Variants in HOATZ observed in about 807,000 individuals in gnomAD.
HOATZ encodes the protein cilia- and flagella-associated protein HOATZ.
HOATZ carries 26 observed loss-of-function variants against 24.9 expected under a neutral mutation model. The ratio of observed to expected loss-of-function variants is 1.04; its 90% CI spans 0.76 to 1.45. HOATZ has a LOEUF of 1.45. Ranked by LOEUF, HOATZ falls within the 40% of genes most tolerant of loss-of-function variation. The pLI is 0.00. For synonymous variants in HOATZ, 83 were observed against 76.6 expected (o/e 1.08, Z -0.43); for missense variants, 226 against 201.5 (o/e 1.12, Z -0.74).
At chr11:111,530,712 G>T (rs7107084) in intron 3 of HOATZ, among the ~76,000 whole-genome samples, 1 of 152,032 alleles carries the variant, frequency 6.6e-6, no homozygotes, top group Non-Finnish European at 1.5e-5. Context: ...ACTATAATTA[G>T]AAATGAAAAT....
chr11:111,519,698 A>T (rs1463208662), intron 3 of HOATZ, among the ~76,000 whole-genome samples: 2 of 152,212 alleles, frequency 1.3e-5, no homozygotes, highest in African/African-American at 2.4e-5. Flanking sequence ...ATTTACAATG[A>T]TCTATTTAAG....
At chr11:111,531,696 A>G (rs1246002140) in intron 3 of HOATZ, among the ~76,000 whole-genome samples, 5 of 152,214 alleles carry the variant, frequency 3.3e-5, no homozygotes, top group Admixed American at 1.3e-4. Context: ...GCTCAAGTAA[A>G]ACGTAGAAAT....
chr11:111,518,952 G>T (rs1376094929), intron 3 of HOATZ: 3 of 451,862 alleles, frequency 6.6e-6, no homozygotes, highest in Non-Finnish European at 1.3e-5. Context: ...CATAGTATTT[G>T]TACAGTCTCT....
chr11:111,515,992 A>G, intron 2 of HOATZ, 48 bp from the exon 3 acceptor site: 2 of 1,249,490 alleles, frequency 1.6e-6, no homozygotes, highest in Non-Finnish European at 2.3e-6. Flanking sequence ...TTTAGTATAA[A>G]ATCATAATAA....
rs1250412136 is a variant in HOATZ at position 111,516,042 on chromosome 11, A to T, written c.271A>T (p.Asn91Tyr). ...GAATTTGACTTTATTCCCTCTAGAA[A>T]ATAGAGACATCTTTGCCGAAGCCCT... ...SQSFHLASNK[N>Y]RDIFAEALKI... Residue 91 changes from asparagine to tyrosine, a missense_variant and splice_region_variant, in exon 3 of 6, where the codon AAT becomes TAT. By Grantham distance (143) the Asn-to-Tyr change is moderately radical. Coordinates refer to ENST00000375618, the MANE Select transcript of HOATZ (RefSeq NM_001100388.2). The T allele has an allele frequency of 1.9e-6, 3 of 1,574,258 alleles. No homozygotes were observed. The African/African-American group carries it at 4.1e-5, about 21-fold the overall frequency.
At chr11:111,529,635 A>AG (rs1867374762) in intron 3 of HOATZ, among the ~76,000 whole-genome samples, 1 of 152,112 alleles carries the variant, frequency 6.6e-6, no homozygotes, top group Admixed American at 6.5e-5. Flanking sequence ...TGCTGAGATT[A>AG]CAGGCATGAG....
Position 111,521,608 on chromosome 11 carries a change from T to G in HOATZ, c.339+5498T>G, listed in dbSNP as rs116100401. 3.1e-3 allele frequency among the ~76,000 whole-genome samples: 473 copies of G among 152,346 alleles called. 4 individuals are homozygous for G. The highest frequency in any genetic ancestry group is 0.01 in the African/African-American group (433 of 41,586). ...GAATACCAATAGGAAGTGGTGGATT[T>G]CCCCTTCACCAATAAAAGTTGTTTA... is the stretch of plus-strand genomic sequence containing the variant. On this transcript the variant is annotated intron_variant, in intron 3 of 5. Transcript: ENST00000375618.
Position 111,536,109 on chromosome 11 carries a change from T to C in HOATZ, c.453-661T>C, listed in dbSNP as rs996355495. On this transcript the variant is annotated intron_variant, in intron 5 of 5. Transcript: ENST00000375618. Reference sequence around the variant, plus strand: ...ACTATACTGTAAGCTCCATGAGGAATTGGGTCACCCAAAGTGCCAGCATAC... The same window carrying C: ...ACTATACTGTAAGCTCCATGAGGAACTGGGTCACCCAAAGTGCCAGCATAC... The C allele has an allele frequency of 2.6e-5, 4 of 152,278 alleles. No individual in the cohort carries two copies. In the South Asian group the frequency reaches 6.2e-4, roughly 24 times the overall value. The allele number at this position is 152,278 out of a possible 1,614,324, so 9.4% of individuals were successfully genotyped here.
intron 3 of HOATZ, among the ~76,000 whole-genome samples, chr11:111,519,714 C>G (rs1165439588): frequency 2.0e-5 from 3 of 152,128 alleles, no homozygotes; most frequent in Non-Finnish European, 2.9e-5. Flanking sequence ...TTAAGAGAAT[C>G]TTCTACATGT....
chr11:111,527,406 T>C (rs1451090301), intron 3 of HOATZ, among the ~76,000 whole-genome samples: 1 of 152,188 alleles, frequency 6.6e-6, no homozygotes, highest in African/African-American at 2.4e-5. Context: ...ATGTCAGACC[T>C]AGGAGTTGAG....
At chr11:111,532,133 G>A (rs1346162849) in intron 3 of HOATZ, among the ~76,000 whole-genome samples, 1 of 152,014 alleles carries the variant, frequency 6.6e-6, no homozygotes, top group Non-Finnish European at 1.5e-5. Flanking sequence ...AAGGGTCCTT[G>A]ATCTTCAGTT....
Position 111,536,879 on chromosome 11 carries a change from C to A in HOATZ, c.*52C>A. ...CTCACTTATACCTTCACTTTGGAAA[C>A]AACCTTCTCTTAGATCAGGATCATT... On this transcript the variant is annotated 3_prime_UTR_variant, in exon 6 of 6. Coordinates refer to ENST00000375618, the MANE Select transcript of HOATZ (RefSeq NM_001100388.2). 7.2e-7 allele frequency: 1 copy of A among 1,392,290 alleles called. No homozygotes were observed. The highest frequency in any genetic ancestry group is 1.0e-6 in the Non-Finnish European group (1 of 978,406). The allele number at this position is 1,392,290 out of a possible 1,614,324, so 86.2% of individuals were successfully genotyped here. A position where few individuals can be genotyped will look rare whatever the true frequency, so the allele number is the denominator to read the frequency against.
intron 3 of HOATZ, among the ~76,000 whole-genome samples, chr11:111,531,257 G>A (rs1207790030): frequency 1.3e-5 from 2 of 151,910 alleles, no homozygotes; most frequent in Admixed American, 1.3e-4. Flanking sequence ...GCCAATAACT[G>A]TGGATTACAC....
At chr11:111,531,927 G>T (rs1429414616) in intron 3 of HOATZ, among the ~76,000 whole-genome samples, 1 of 152,144 alleles carries the variant, frequency 6.6e-6, no homozygotes, top group Non-Finnish European at 1.5e-5. Context: ...GAACCACCCT[G>T]AGAAGTACTT....
At chr11:111,521,225 T>C (rs1380140259) in intron 3 of HOATZ, among the ~76,000 whole-genome samples, 1 of 151,684 alleles carries the variant, frequency 6.6e-6, no homozygotes, top group African/African-American at 2.4e-5. Context: ...AAATGCGGTC[T>C]GTATTCTCAG....
At chr11:111,527,259 T>A (rs1441914613) in intron 3 of HOATZ, among the ~76,000 whole-genome samples, 1 of 152,222 alleles carries the variant, frequency 6.6e-6, no homozygotes, top group African/African-American at 2.4e-5. Context: ...ATACACATTT[T>A]TTTCTTCCTC....
At chr11:111,526,721 C>A (rs976149977) in intron 3 of HOATZ, 1 of 152,138 alleles carries the variant, frequency 6.6e-6, no homozygotes, top group Admixed American at 6.6e-5. Flanking sequence ...GGGCTAGAAA[C>A]TCAAAGAAGA....
intron 3 of HOATZ, among the ~76,000 whole-genome samples, chr11:111,529,719 G>T (rs975956188): frequency 2.0e-5 from 3 of 152,112 alleles, no homozygotes; most frequent in Admixed American, 6.6e-5. Flanking sequence ...ATCCACGAAA[G>T]AAATGCAGTT....
chr11:111,523,551 C>A (rs1867295963), intron 3 of HOATZ, among the ~76,000 whole-genome samples: 1 of 152,086 alleles, frequency 6.6e-6, no homozygotes, highest in African/African-American at 2.4e-5. Context: ...CTATGACAAA[C>A]AATGAGAATC....
Sources: allele counts gnomAD v4.1 joint callset (sites outside exome capture counted in the v4.1 genomes callset), GRCh38; gene constraint gnomAD v4.1.1; transcripts MANE v1.5; gene names NCBI Gene and HGNC (gene_info 2026-07-23, HGNC 2026-07-21).